GLRB: variants seen among roughly 807,000 people sequenced by gnomAD.
GLRB encodes glycine receptor beta, also known as glycine receptor subunit beta.
Under a neutral mutation model 54.2 loss-of-function variants are expected in GLRB, and 33 were observed. The observed-to-expected ratio is 0.61, with a 90% CI of 0.46 to 0.81. The LOEUF is 0.81. Among genes scored for constraint, GLRB ranks in the 40% least tolerant of loss-of-function variants. GLRB has a pLI of 0.00. For synonymous variants in GLRB, 209 were observed against 208.2 expected (o/e 1.00, Z -0.03); for missense variants, 572 against 584.6 (o/e 0.98, Z 0.22).
intron 8 of GLRB, among the ~76,000 whole-genome samples, chr4:157,151,498 G>A (rs190201141): frequency 6.6e-6 from 1 of 152,010 alleles, no homozygotes; most frequent in South Asian, 2.1e-4. Context: ...GATAATTATT[G>A]TAAAAGTAAA....
At chr4:157,160,847 C>A (rs1250769509) in intron 9 of GLRB, among the ~76,000 whole-genome samples, 1 of 151,982 alleles carries the variant, frequency 6.6e-6, no homozygotes, top group African/African-American at 2.4e-5. Flanking sequence ...GTCTATTAGG[C>A]CCACTTGGTG....
chr4:157,076,882 C>G (rs1195287172), intron 1 of GLRB, among the ~76,000 whole-genome samples: 1 of 144,066 alleles, frequency 6.9e-6, no homozygotes, highest in Non-Finnish European at 1.5e-5. Flanking sequence ...GATGAGCCCC[C>G]TCTGTTGTCT....
intron 9 of GLRB, among the ~76,000 whole-genome samples, chr4:157,162,287 T>G (rs1468514305): frequency 6.6e-6 from 1 of 152,228 alleles, no homozygotes; most frequent in Non-Finnish European, 1.5e-5. Context: ...CATCCTCCTT[T>G]AGCTCAGAGA....
chr4:157,169,181 G>A (rs72980562), intron 9 of GLRB, among the ~76,000 whole-genome samples: 20,822 of 151,926 alleles, frequency 0.14, 1,995 homozygotes, highest in African/African-American at 0.28. Flanking sequence ...AGTTACTAGA[G>A]TAACTGTGAT....
chr4:157,138,035 G>T (rs1736469030), intron 6 of GLRB, among the ~76,000 whole-genome samples: 1 of 152,096 alleles, frequency 6.6e-6, no homozygotes, highest in Admixed American at 6.6e-5. Context: ...CTATGGTGAT[G>T]CAACTCCTTT....
rs889261829 is a variant in GLRB at position 157,078,363 on chromosome 4, A to G, written c.122+217A>G. 9 of 287,244 alleles carry G rather than the reference A, an allele frequency of 3.1e-5. No homozygotes were observed. The Admixed American group carries it at 4.5e-4, about 14-fold the overall frequency. 17.8% of individuals were successfully genotyped at this position (287,244 alleles called of 1,614,324 possible). On this transcript the variant is annotated intron_variant, in intron 2 of 9. Coordinates refer to ENST00000264428, the MANE Select transcript of GLRB (RefSeq NM_000824.5). Reference sequence around the variant, plus strand: ...TGGTTTTATAGTTTTCTTTTTTTAAATCATGCCATGGGTTTATATAATTTT... The same window carrying G: ...TGGTTTTATAGTTTTCTTTTTTTAAGTCATGCCATGGGTTTATATAATTTT...
intron 2 of GLRB, among the ~76,000 whole-genome samples, chr4:157,111,827 C>T (rs1379828679): frequency 1.3e-5 from 2 of 151,890 alleles, no homozygotes; most frequent in African/African-American, 4.8e-5. Context: ...TCTTTCTCAA[C>T]TGAAAAAAAG....
chr4:157,085,093 A>G (rs1053595439), intron 2 of GLRB, among the ~76,000 whole-genome samples: 1 of 152,200 alleles, frequency 6.6e-6, no homozygotes, highest in South Asian at 2.1e-4. Flanking sequence ...AATCAATTGA[A>G]TTGATCTTCT....
chr4:157,161,801 T>G (rs1737505973), intron 9 of GLRB, among the ~76,000 whole-genome samples: 1 of 152,182 alleles, frequency 6.6e-6, no homozygotes, highest in African/African-American at 2.4e-5. Context: ...ATCTGACAAT[T>G]ATGTGTCTTG....
chr4:157,119,994 C>A (rs1179233397), intron 2 of GLRB, among the ~76,000 whole-genome samples: 1 of 151,686 alleles, frequency 6.6e-6, no homozygotes, highest in Admixed American at 6.6e-5. Context: ...AAATGTCCAA[C>A]AATGATAGGC....
At chr4:157,078,452 A>T (rs1336163600) in intron 2 of GLRB, among the ~76,000 whole-genome samples, 1 of 152,072 alleles carries the variant, frequency 6.6e-6, no homozygotes, top group African/African-American at 2.4e-5. Context: ...GTGCTGTGCA[A>T]CTTTAATTGG....
intron 4 of GLRB, among the ~76,000 whole-genome samples, chr4:157,126,861 T>C (rs1416004457): frequency 6.6e-6 from 1 of 151,904 alleles, no homozygotes; most frequent in African/African-American, 2.4e-5. Context: ...ATAAGAGCTC[T>C]TTCATGGAAA....
intron 2 of GLRB, among the ~76,000 whole-genome samples, chr4:157,116,474 G>A (rs919122105): frequency 6.6e-6 from 1 of 151,478 alleles, no homozygotes; most frequent in East Asian, 1.9e-4. Context: ...AACAAAGCAG[G>A]CATTAAGTGT....
chr4:157,171,422 T>C lies in GLRB; in HGVS notation c.*694T>C, dbSNP rs1275741229. On this transcript the variant is annotated 3_prime_UTR_variant, in exon 10 of 10. Coordinates refer to ENST00000264428, the MANE Select transcript of GLRB (RefSeq NM_000824.5). ...TGACAAAATAAAAAAAGATACCTTA[T>C]TGACGAAATATTTAGGATAAACAAA... is the stretch of plus-strand genomic sequence containing the variant. 1.3e-5 allele frequency: 2 copies of C among 152,346 alleles called. No homozygotes were observed. The highest frequency in any genetic ancestry group is 2.4e-5 in the African/African-American group (1 of 41,442). 9.4% of individuals were successfully genotyped at this position (152,346 alleles called of 1,614,324 possible). A position where few individuals can be genotyped will look rare whatever the true frequency, so the allele number is the denominator to read the frequency against.
chr4:157,130,197 T>C (rs1284078320), intron 4 of GLRB, among the ~76,000 whole-genome samples: 1 of 151,682 alleles, frequency 6.6e-6, no homozygotes, highest in African/African-American at 2.4e-5. Flanking sequence ...TGCAATTTTG[T>C]TTTTGATACA....
At chr4:157,167,999 G>A (rs960929356) in intron 9 of GLRB, among the ~76,000 whole-genome samples, 7 of 152,244 alleles carry the variant, frequency 4.6e-5, no homozygotes, top group African/African-American at 1.7e-4. Context: ...CAGTCATGAG[G>A]GATCTGGCCC....
intron 9 of GLRB, among the ~76,000 whole-genome samples, chr4:157,167,033 TA>T (rs1157831128): frequency 1.3e-5 from 2 of 152,274 alleles, no homozygotes; most frequent in African/African-American, 2.4e-5. Flanking sequence ...TAAAATGATA[TA>T]AAAATATGAT....
chr4:157,165,180 T>G (rs1437578715), intron 9 of GLRB, among the ~76,000 whole-genome samples: 3 of 152,140 alleles, frequency 2.0e-5, no homozygotes, highest in African/African-American at 7.2e-5. Flanking sequence ...AATGATAACA[T>G]GAGTCTAATA....
At chr4:157,111,101 T>G (rs1159655207) in intron 2 of GLRB, among the ~76,000 whole-genome samples, 1 of 151,954 alleles carries the variant, frequency 6.6e-6, no homozygotes, top group Non-Finnish European at 1.5e-5. Context: ...CCTTCAGTGG[T>G]CTAGTGTATA....
Sources: allele counts gnomAD v4.1 joint callset (sites outside exome capture counted in the v4.1 genomes callset), GRCh38; gene constraint gnomAD v4.1.1; transcripts MANE v1.5; gene names NCBI Gene and HGNC (gene_info 2026-07-23, HGNC 2026-07-21).